CDKL3: variants seen among roughly 807,000 people sequenced by gnomAD.
CDKL3 encodes cyclin-dependent kinase-like 3.
In CDKL3, 65 loss-of-function variants were observed where a neutral mutation model predicts 69.3. The ratio of observed to expected loss-of-function variants is 0.94; its 90% confidence interval spans 0.77 to 1.15. CDKL3 has a LOEUF of 1.15. Among genes scored for constraint, CDKL3 ranks in the 50% most tolerant of loss-of-function variants. CDKL3 has a pLI of 0.00. For synonymous variants in CDKL3, 202 were observed against 221.6 expected (o/e 0.91, Z 0.79); for missense variants, 652 against 689.2 (o/e 0.95, Z 0.61).
rs142281484 is a variant in CDKL3, at chr5:134,359,112, C to T, written c.360+785G>A. 1.2e-3 allele frequency among the ~76,000 whole-genome samples: 183 copies of T among 152,024 alleles called. 3 individuals are homozygous for T. The East Asian group carries it at 0.031, about 26-fold the overall frequency. On this transcript the variant is annotated intron_variant, in intron 3 of 12. Transcript: ENST00000265334. ...ACCAGCCTGGGTAACATGGGAAAAC[C>T]CCATCTCTACAAAATATTGGCCAGG...
intron 6 of CDKL3, 27 bp downstream of exon 6, chr5:134,319,331 G>A (rs998337058): frequency 2.6e-5 from 39 of 1,477,402 alleles, no homozygotes; most frequent in East Asian, 5.1e-5. Context: ...CTCTGTCTCC[G>A]GGGGAGGAAA....
At position 134,306,605 on chromosome 5, in the gene CDKL3, T is replaced by C; in HGVS notation, c.1458+4A>G. On this transcript the variant is annotated splice_donor_region_variant and intron_variant, in intron 10 of 12. Coordinates refer to ENST00000265334, the MANE Select transcript of CDKL3 (RefSeq NM_001113575.2). ...ATATTTTAATGTGTAGCTTCTTGCC[T>C]TACTTGAATAGGACCTGGATCCTCT... The C allele has an allele frequency of 6.4e-7, 1 of 1,559,488 alleles. No homozygotes were observed. Among genetic ancestry groups the C allele is most frequent in the Non-Finnish European group, 8.8e-7 (1 of 1,136,146 alleles).
intron 4 of CDKL3, among the ~76,000 whole-genome samples, chr5:134,339,424 A>C (rs1385120941): frequency 6.6e-6 from 1 of 152,198 alleles, no homozygotes; most frequent in Non-Finnish European, 1.5e-5. Flanking sequence ...CTTTTAACAA[A>C]AAAATGTTAC....
At chr5:134,360,160 A>C in intron 2 of CDKL3, 69 bp from the exon 3 acceptor site, 1 of 1,046,070 alleles carries the variant, frequency 9.6e-7, no homozygotes, top group South Asian at 1.7e-5. Flanking sequence ...TATAACGTGT[A>C]AATTTTGTAA....
chr5:134,320,481 G>A (rs1772428949), intron 5 of CDKL3, among the ~76,000 whole-genome samples: 1 of 152,084 alleles, frequency 6.6e-6, no homozygotes, highest in Non-Finnish European at 1.5e-5. Flanking sequence ...AGCAGGCTGA[G>A]GTGGGAGAAT....
chr5:134,310,619 T>C (rs1361212242), intron 7 of CDKL3, among the ~76,000 whole-genome samples: 2 of 152,042 alleles, frequency 1.3e-5, no homozygotes, highest in African/African-American at 2.4e-5. Context: ...TCCTGAGTAG[T>C]TGGGACTACA....
At chr5:134,316,243 C>T (rs555783077) in intron 6 of CDKL3, among the ~76,000 whole-genome samples, 5 of 152,148 alleles carry the variant, frequency 3.3e-5, no homozygotes, top group African/African-American at 9.6e-5. Flanking sequence ...TGAGCCCCTG[C>T]CCCCGGACCA....
intron 4 of CDKL3, among the ~76,000 whole-genome samples, chr5:134,326,765 T>A (rs1231180225): frequency 6.7e-6 from 1 of 149,332 alleles, no homozygotes; most frequent in African/African-American, 2.5e-5. Context: ...CTCAGAATTA[T>A]TTTTTTAAAC....
At chr5:134,288,633 C>T (rs1011301829) in intron 8 of CDKL3, among the ~76,000 whole-genome samples, 1 of 152,112 alleles carries the variant, frequency 6.6e-6, no homozygotes, top group African/African-American at 2.4e-5. Context: ...TCAGATAACT[C>T]GCATAACAAA....
chr5:134,324,892 T>A (rs1773744530), intron 4 of CDKL3, among the ~76,000 whole-genome samples: 1 of 152,220 alleles, frequency 6.6e-6, no homozygotes. Context: ...TGTACCACAC[T>A]AATACAAGAT....
rs557443056 is a variant in CDKL3, at chr5:134,345,567, G to T, written c.539+4682C>A. On this transcript the variant is annotated intron_variant, in intron 4 of 12. Coordinates refer to ENST00000265334, the MANE Select transcript of CDKL3 (RefSeq NM_001113575.2). ...CGGGCTGAGTCCGAAAAGAGAGTCAGCAAAGGGAGATGGGGTGGGGCTGTT... is the reference window on the plus strand; with the variant it reads ...CGGGCTGAGTCCGAAAAGAGAGTCATCAAAGGGAGATGGGGTGGGGCTGTT... 2.0e-5 allele frequency among the ~76,000 whole-genome samples: 3 copies of T among 152,314 alleles called. No homozygotes were observed. The East Asian group carries it at 5.8e-4, about 29-fold the overall frequency.
chr5:134,354,994 C>A (rs1417295479), intron 3 of CDKL3, among the ~76,000 whole-genome samples: 1 of 151,332 alleles, frequency 6.6e-6, no homozygotes, highest in East Asian at 1.9e-4. Flanking sequence ...ATAGCTCATG[C>A]CTATAATCCC....
chr5:134,363,457 CTTTT>C (rs869177235), intron 2 of CDKL3, among the ~76,000 whole-genome samples: 1 of 105,470 alleles, frequency 9.5e-6, no homozygotes, highest in Non-Finnish European at 1.9e-5. Context: ...CCATGGCCGG[CTTTT>C]TTTTTTTTTT....
At chr5:134,353,871 T>G (rs1038906972) in intron 3 of CDKL3, among the ~76,000 whole-genome samples, 20 of 152,136 alleles carry the variant, frequency 1.3e-4, no homozygotes, top group Admixed American at 9.8e-4. Flanking sequence ...TCATGTCACT[T>G]CTTTGCTTCA....
intron 4 of CDKL3, among the ~76,000 whole-genome samples, chr5:134,347,597 C>T (rs184755202): frequency 3.3e-4 from 49 of 149,492 alleles, no homozygotes; most frequent in Non-Finnish European, 5.6e-4. Flanking sequence ...TGGCTGGGCA[C>T]GGTGGCTCAT....
intron 4 of CDKL3, among the ~76,000 whole-genome samples, chr5:134,347,363 G>C (rs1447882811): frequency 6.6e-6 from 1 of 152,076 alleles, no homozygotes; most frequent in Non-Finnish European, 1.5e-5. Context: ...ACTAAACATA[G>C]AGTTACTGTA....
intron 6 of CDKL3, among the ~76,000 whole-genome samples, chr5:134,316,877 G>A (rs1255946102): frequency 6.6e-6 from 1 of 151,826 alleles, no homozygotes; most frequent in East Asian, 1.9e-4. Flanking sequence ...TACTTGGTTG[G>A]GAAAACTTTA....
In CDKL3 at chr5:134,359,921, T is replaced by C. The variant is rs1755607062; in HGVS notation, c.336A>G (p.Ala112=). ...CATTATTACTGTGAAGATAGTCAATTGCTCGAAGGATCTGGAAGAGGTATT... is the reference window on the plus strand; with the variant it reads ...CATTATTACTGTGAAGATAGTCAATCGCTCGAAGGATCTGGAAGAGGTATT... ...LRKYLFQILR[A]IDYLHSNNII... The change falls in exon 3 of 13, where the codon GCA becomes GCG. Residue 112 remains alanine, a synonymous_variant. Coordinates refer to ENST00000265334, the MANE Select transcript of CDKL3 (RefSeq NM_001113575.2). 1.3e-6 allele frequency: 2 copies of C among 1,585,006 alleles called. No homozygotes were observed. The highest frequency in any genetic ancestry group is 1.7e-6 in the Non-Finnish European group (2 of 1,165,252).
upstream of CDKL3, chr5:134,367,268 G>T: frequency 1.0e-6 from 1 of 985,032 alleles, no homozygotes; most frequent in Non-Finnish European, 1.2e-6. Flanking sequence ...CAAGGTGGAA[G>T]AGTGCTGTGC....
Sources: gnomAD v4.1 joint callset for allele counts (sites outside exome capture counted in the v4.1 genomes callset) on GRCh38, gnomAD v4.1.1 for gene constraint, MANE v1.5 for transcripts, NCBI Gene and HGNC (gene_info 2026-07-23, HGNC 2026-07-21) for gene names.